The following CALN1 variants were observed in gnomAD, a reference collection of about 807,000 sequenced individuals.
CALN1 encodes calneuron 1, also known as calcium-binding protein 8.
Under a neutral mutation model 30.6 loss-of-function variants are expected in CALN1, and 17 were observed. The ratio of observed to expected loss-of-function variants is 0.56; its 90% CI spans 0.38 to 0.83. The LOEUF (loss-of-function observed/expected upper bound fraction) is 0.83, where lower values mean the gene tolerates loss of function less well. CALN1 is among the 40% of genes least tolerant of loss of function. CALN1 has a pLI of 0.00. For synonymous variants in CALN1, 156 were observed against 131.4 expected, an observed-to-expected ratio of 1.19 and a Z score of -1.28; for missense variants, 291 against 354.9, an observed-to-expected ratio of 0.82 and a Z score of 1.45.
In CALN1 at chr7:71,781,160, A is replaced by G. The variant is rs1255815276; in HGVS notation, c.*6615T>C. 2 of 152,218 alleles carry G rather than the reference A, an allele frequency of 1.3e-5. No individual in the cohort carries two copies. The highest frequency in any genetic ancestry group is 2.9e-5 in the Non-Finnish European group (2 of 68,044). The allele number at this position is 152,218 out of a possible 1,614,324, so 9.4% of individuals were successfully genotyped here. On this transcript the variant is annotated 3_prime_UTR_variant, in exon 7 of 7. Transcript: ENST00000395275. ...GCATTCACTCCATCTTGTTTCAGACAAAATAGATGGGAGGGCTTGTCTGGT... is the reference window on the plus strand; with the variant it reads ...GCATTCACTCCATCTTGTTTCAGACGAAATAGATGGGAGGGCTTGTCTGGT...
intron 1 of CALN1, among the ~76,000 whole-genome samples, chr7:72,432,502 C>CT (rs1368431986): frequency 1.3e-5 from 2 of 152,192 alleles, no homozygotes; most frequent in Admixed American, 1.3e-4. Context: ...GGGTCTGTAA[C>CT]AAGGGACTGT....
intron 2 of CALN1, among the ~76,000 whole-genome samples, chr7:72,301,217 G>C (rs1799236846): frequency 6.6e-6 from 1 of 152,156 alleles, no homozygotes; most frequent in Non-Finnish European, 1.5e-5. Flanking sequence ...CAGTTGCTAA[G>C]ATCTGGACTG....
intron 4 of CALN1, among the ~76,000 whole-genome samples, chr7:72,039,256 C>T (rs2129533495): frequency 6.6e-6 from 1 of 152,304 alleles, no homozygotes; most frequent in Middle Eastern, 3.4e-3. Flanking sequence ...AGGACCAAGG[C>T]AGGGAAGAGA....
intron 3 of CALN1, among the ~76,000 whole-genome samples, chr7:72,125,843 C>T (rs1470161097): frequency 7.1e-6 from 1 of 140,560 alleles, no homozygotes. Flanking sequence ...GCCCTGTCGC[C>T]CAGGCTAGAG....
the CALN1 span, among the ~76,000 whole-genome samples, chr7:72,487,577 T>C: frequency 1.3e-5 from 2 of 150,696 alleles, no homozygotes; most frequent in Admixed American, 1.3e-4. Context: ...TCCTAACTAC[T>C]TGGGAGGCTG....
chr7:72,096,721 C>G (rs777332295), intron 4 of CALN1, among the ~76,000 whole-genome samples: 1 of 152,164 alleles, frequency 6.6e-6, no homozygotes, highest in Non-Finnish European at 1.5e-5. Flanking sequence ...GGACTGTAAA[C>G]TAGTTCAACC....
rs138307852 is a variant in CALN1 at position 72,124,090 on chromosome 7, C to G, written c.245-17796G>C. ...AGTAGGCCAACTATTTCAGAACACA[C>G]GTGCACACACACACCAATCATTCCG... On this transcript the variant is annotated intron_variant, in intron 3 of 6. Coordinates refer to ENST00000395275, the MANE Select transcript of CALN1 (RefSeq NM_031468.4). Among the ~76,000 whole-genome samples, 378 of 152,304 alleles carry G rather than the reference C, an allele frequency of 2.5e-3. 4 individuals carry two copies. The highest frequency in any genetic ancestry group is 8.4e-3 in the African/African-American group (350 of 41,560).
intron 5 of CALN1, among the ~76,000 whole-genome samples, chr7:71,969,414 T>G (rs1233010771): frequency 6.6e-6 from 1 of 152,218 alleles, no homozygotes; most frequent in Non-Finnish European, 1.5e-5. Context: ...TAGATACTTG[T>G]CAGAGACTAA....
intron 3 of CALN1, among the ~76,000 whole-genome samples, chr7:72,251,556 T>C (rs1394681153): frequency 6.6e-6 from 1 of 152,086 alleles, no homozygotes; most frequent in Non-Finnish European, 1.5e-5. Flanking sequence ...CACATCACCA[T>C]GCCCGGCTCA....
chr7:72,333,991 C>T (rs1801839794), intron 2 of CALN1, among the ~76,000 whole-genome samples: 1 of 152,196 alleles, frequency 6.6e-6, no homozygotes, highest in African/African-American at 2.4e-5. Flanking sequence ...AAGTGCCCCG[C>T]ACATAGGATC....
intron 5 of CALN1, among the ~76,000 whole-genome samples, chr7:71,941,081 TCAC>T (rs973400832): frequency 6.6e-5 from 10 of 152,174 alleles, no homozygotes; most frequent in African/African-American, 2.4e-4. Flanking sequence ...GCATGGTGGC[TCAC>T]GACTGTAATC....
chr7:72,192,116 CAGA>C (rs1401014705), intron 3 of CALN1, among the ~76,000 whole-genome samples: 1 of 152,112 alleles, frequency 6.6e-6, no homozygotes, highest in African/African-American at 2.4e-5. Flanking sequence ...CTGACCTCTG[CAGA>C]AGGTCGGACA....
At chr7:71,918,015 TTC>T (rs1274906123) in intron 5 of CALN1, among the ~76,000 whole-genome samples, 2 of 152,188 alleles carry the variant, frequency 1.3e-5, no homozygotes, top group African/African-American at 4.8e-5. Flanking sequence ...TATAAAATGA[TTC>T]TCTTCAATTT....
intron 2 of CALN1, among the ~76,000 whole-genome samples, chr7:72,392,353 G>A (rs1176244574): frequency 1.3e-5 from 2 of 152,170 alleles, no homozygotes; most frequent in Non-Finnish European, 2.9e-5. Flanking sequence ...ATCCCCCCGA[G>A]TTTGGGGCGG....
chr7:72,278,707 T>C lies in CALN1; in HGVS notation c.223A>G (p.Ile75Val), dbSNP rs758546414. Residue 75 changes from isoleucine to valine, a missense_variant, in exon 3 of 7, where the codon ATC becomes GTC. Ile to Val is a conservative substitution (Grantham distance 29). Around this residue, in one of 2 missense-constraint regions of CALN1, gnomAD observed 122 missense variants for 103.2 expected, o/e 1.18. Coordinates refer to ENST00000395275, the MANE Select transcript of CALN1 (RefSeq NM_031468.4). ...AGSDSEQLAN[I>V]SVEELDEIRE... ...TTACCATCGAGCTCCTCCACGGAGA[T>C]ATTAGCCAGCTGTTCGCTGTCACTG... is the stretch of plus-strand genomic sequence containing the variant. 2.9e-5 allele frequency: 46 copies of C among 1,613,694 alleles called. No homozygotes were observed. Among genetic ancestry groups the C allele is most frequent in the Non-Finnish European group, 3.7e-5 (44 of 1,179,746 alleles).
intron 5 of CALN1, among the ~76,000 whole-genome samples, chr7:71,885,297 G>A (rs1445633542): frequency 3.3e-5 from 5 of 151,994 alleles, no homozygotes; most frequent in Non-Finnish European, 7.4e-5. Context: ...GACTACAGGC[G>A]CCTGCCACCA....
intron 3 of CALN1, among the ~76,000 whole-genome samples, chr7:72,249,571 G>GCAGA (rs1197525981): frequency 1.6e-4 from 20 of 128,420 alleles, no homozygotes; most frequent in African/African-American, 7.8e-5. Context: ...GGAGGCTGAG[G>GCAGA]CAGACAGATC....
At chr7:72,072,286 C>T (rs1482098824) in intron 4 of CALN1, among the ~76,000 whole-genome samples, 4 of 152,166 alleles carry the variant, frequency 2.6e-5, no homozygotes, top group Non-Finnish European at 5.9e-5. Flanking sequence ...CATATTTCCA[C>T]ACAAATTCCC....
intron 3 of CALN1, among the ~76,000 whole-genome samples, chr7:72,178,598 A>G (rs989396319): frequency 6.6e-6 from 1 of 152,096 alleles, no homozygotes; most frequent in East Asian, 1.9e-4. Flanking sequence ...CTGAGGCAGG[A>G]GAATCATTTG....
Sources: gnomAD v4.1 joint callset for allele counts (sites outside exome capture counted in the v4.1 genomes callset) on GRCh38, gnomAD v4.1.1 for gene constraint, gnomAD v4.1.1 regional missense constraint, MANE v1.5 for transcripts, NCBI Gene and HGNC (gene_info 2026-07-23, HGNC 2026-07-21) for gene names.